The following MAD1L1 variants were observed in gnomAD, a reference collection of about 807,000 sequenced individuals.
The protein encoded by MAD1L1 is mitotic spindle assembly checkpoint protein MAD1.
MAD1L1 carries 95 observed loss-of-function variants against 96.9 expected under a neutral mutation model. That is an observed-to-expected ratio of 0.98 (90% CI 0.83 to 1.16). The LOEUF (loss-of-function observed/expected upper bound fraction) is 1.16, where lower values mean the gene tolerates loss of function less well. Among genes scored for constraint, MAD1L1 ranks in the 50% most tolerant of loss-of-function variants. MAD1L1 has a pLI of 0.00. For synonymous variants in MAD1L1, 473 were observed against 396.6 expected, an observed-to-expected ratio of 1.19 and a Z score of -2.29; for missense variants, 1,007 against 954.4, an observed-to-expected ratio of 1.06 and a Z score of -0.73.
intron 16 of MAD1L1, among the ~76,000 whole-genome samples, chr7:1,957,154 A>G (rs1245232626): frequency 6.6e-6 from 1 of 152,212 alleles, no homozygotes; most frequent in Non-Finnish European, 1.5e-5. Flanking sequence ...CACTCCTCCC[A>G]TCGTCAGAAA....
At position 2,057,111 on chromosome 7, in the gene MAD1L1, G is replaced by A. The variant is rs764385520; in HGVS notation, c.1218+12083C>T. On this transcript the variant is annotated intron_variant, in intron 12 of 18. Transcript: ENST00000265854. ...ACAGCAGCCATCACCGCCTCAACGC[G>A]ACTGACACCTGCCCCAGCCCCACCT... 5.9e-5 allele frequency among the ~76,000 whole-genome samples: 9 copies of A among 152,212 alleles called. No individual in the cohort carries two copies. The South Asian group carries it at 1.2e-3, about 21-fold the overall frequency.
In MAD1L1 at chr7:2,149,238, C is replaced by T. The variant is rs778630947; in HGVS notation, c.987G>A (p.Arg329=). Reference sequence around the variant, plus strand: ...CGAATCTGGAAAGGTCTTCTGGAGTCCTGCAGGATAAACAAGGCACACTCA... The same window carrying T: ...CGAATCTGGAAAGGTCTTCTGGAGTTCTGCAGGATAAACAAGGCACACTCA... ...RLDQTMGLSI[R]TPEDLSRFVV... is the part of the protein sequence containing the mutation. The change falls in exon 11 of 19, where the codon AGG becomes AGA. Residue 329 remains arginine (R), a splice_region_variant and synonymous_variant. Coordinates refer to ENST00000265854, the MANE Select transcript of MAD1L1 (RefSeq NM_001013836.2). The T allele has an allele frequency of 5.0e-6, 8 of 1,613,122 alleles. No individual in the cohort carries two copies. Among genetic ancestry groups the T allele is most frequent in the Non-Finnish European group, 6.8e-6 (8 of 1,179,254 alleles).
chr7:1,834,039 A>G (rs561035079), intron 18 of MAD1L1, among the ~76,000 whole-genome samples: 2 of 152,338 alleles, frequency 1.3e-5, no homozygotes, highest in East Asian at 3.9e-4. Flanking sequence ...GCATCTGGAG[A>G]TTTTCAAAAA....
chr7:1,841,846 A>G (rs958200539), intron 18 of MAD1L1, among the ~76,000 whole-genome samples: 1 of 152,174 alleles, frequency 6.6e-6, no homozygotes, highest in Non-Finnish European at 1.5e-5. Context: ...CTGCCCTCGC[A>G]TGAGTCTCCC....
At chr7:1,848,753 G>C (rs1783782022) in intron 18 of MAD1L1, 1 of 154,444 alleles carries the variant, frequency 6.5e-6, no homozygotes, top group African/African-American at 2.4e-5. Context: ...TTAATTCTGA[G>C]TTGCTGAGGA....
intron 12 of MAD1L1, among the ~76,000 whole-genome samples, chr7:2,060,614 TA>T (rs1292890787): frequency 6.6e-6 from 1 of 151,806 alleles, no homozygotes; most frequent in Non-Finnish European, 1.5e-5. Context: ...CATGGAATCG[TA>T]AACAAATAAA....
At position 2,082,832 on chromosome 7, in the gene MAD1L1, C is replaced by T. The variant is rs564769300; in HGVS notation, c.1074-13494G>A. Among the ~76,000 whole-genome samples the T allele has an allele frequency of 1.1e-3, 170 of 152,344 alleles. 1 individual carries two copies. Among genetic ancestry groups the T allele is most frequent in the African/African-American group, 3.9e-3 (163 of 41,574 alleles). ...AGCCTCCGCCCACGCCTGTGCGCCG[C>T]ACGACCACTCCAGCTGCTTCAGCGC... On this transcript the variant is annotated intron_variant, in intron 11 of 18. Coordinates refer to ENST00000265854, the MANE Select transcript of MAD1L1 (RefSeq NM_001013836.2).
Position 2,057,180 on chromosome 7 carries a change from C to T in MAD1L1, c.1218+12014G>A, listed in dbSNP as rs1280653787. Among the ~76,000 whole-genome samples the T allele has an allele frequency of 2.0e-5, 3 of 152,242 alleles. No homozygotes were observed. The East Asian group carries it at 5.8e-4, about 29-fold the overall frequency. ...TCCGAGTCTGCTGTGCAGCTCCCTG[C>T]TGTTTTCCACAGCACCTAAATGTGC... On this transcript the variant is annotated intron_variant, in intron 12 of 18. Coordinates refer to ENST00000265854, the MANE Select transcript of MAD1L1 (RefSeq NM_001013836.2).
chr7:2,007,039 G>A (rs1206584371), intron 13 of MAD1L1, among the ~76,000 whole-genome samples: 1 of 152,046 alleles, frequency 6.6e-6, no homozygotes, highest in Non-Finnish European at 1.5e-5. Flanking sequence ...ACAGAGCCCA[G>A]CAGGCCTGCT....
intron 18 of MAD1L1, among the ~76,000 whole-genome samples, chr7:1,843,542 G>A (rs2128634276): frequency 6.6e-6 from 1 of 152,324 alleles, no homozygotes; most frequent in South Asian, 2.1e-4. Flanking sequence ...AGTGCAATTG[G>A]TTAGTCACGG....
rs989007564 is a variant in MAD1L1 at position 1,858,994 on chromosome 7, G to A, written c.1998+39206C>T. On this transcript the variant is annotated intron_variant, in intron 18 of 18. Coordinates refer to ENST00000265854, the MANE Select transcript of MAD1L1 (RefSeq NM_001013836.2). ...CACCCAGACACAGCTCAGATCTGGGGGGCGTCCCCCGACTCGGCCTGCATG... is the reference window on the plus strand; with the variant it reads ...CACCCAGACACAGCTCAGATCTGGGAGGCGTCCCCCGACTCGGCCTGCATG... 5.9e-5 allele frequency among the ~76,000 whole-genome samples: 9 copies of A among 152,324 alleles called. 1 individual carries two copies. Among genetic ancestry groups the A allele is most frequent in the Admixed American group, 1.3e-4 (2 of 15,310 alleles).
At chr7:1,835,941 T>C (rs551967788) in intron 18 of MAD1L1, among the ~76,000 whole-genome samples, 3 of 152,366 alleles carry the variant, frequency 2.0e-5, no homozygotes, top group Admixed American at 2.0e-4. Flanking sequence ...TAAGCTGTCA[T>C]GGCACTGGTG....
Position 2,163,616 on chromosome 7 carries a change from G to C in MAD1L1, c.987-14378C>G, listed in dbSNP as rs139674488. ...TCTCCAACTCCTGACCTCATGATCC[G>C]CCCGCCTTGGCCTCCCAAAGTGCTG... On this transcript the variant is annotated intron_variant, in intron 10 of 18. Transcript: ENST00000265854. Among the ~76,000 whole-genome samples, 1,392 of 152,142 alleles carry C rather than the reference G, an allele frequency of 9.1e-3. 20 individuals carry two copies. The highest frequency in any genetic ancestry group is 0.031 in the African/African-American group (1,303 of 41,488).
rs80155880 is a variant in MAD1L1 at position 2,140,424 on chromosome 7, C to T, written c.1073+8728G>A. Among the ~76,000 whole-genome samples the T allele has an allele frequency of 8.9e-3, 1,360 of 152,326 alleles. 21 individuals are homozygous for T. The highest frequency in any genetic ancestry group is 0.031 in the African/African-American group (1,282 of 41,578). On this transcript the variant is annotated intron_variant, in intron 11 of 18. Transcript: ENST00000265854. The stretch of plus-strand genomic sequence containing the variant: ...AGTGCACCAGGGCCGAATGGCCCTC[C>T]GAGGCCCTAGCTGCAGCCGCAGCCG...
At chr7:1,875,200 C>A (rs1185193513) in intron 18 of MAD1L1, among the ~76,000 whole-genome samples, 1 of 152,240 alleles carries the variant, frequency 6.6e-6, no homozygotes, top group Non-Finnish European at 1.5e-5. Context: ...CTCAGCTGTT[C>A]CCAGGGGCCC....
chr7:2,134,586 T>C (rs990852483), intron 11 of MAD1L1, among the ~76,000 whole-genome samples: 2 of 152,240 alleles, frequency 1.3e-5, no homozygotes, highest in African/African-American at 4.8e-5. Flanking sequence ...TACTTGGTTT[T>C]AAGACGGAAA....
intron 12 of MAD1L1, among the ~76,000 whole-genome samples, chr7:2,034,655 C>T (rs1533827): frequency 0.17 from 25,433 of 152,280 alleles, 2,702 homozygotes; most frequent in Middle Eastern, 0.3. Flanking sequence ...GCTGCCAGCT[C>T]TGCCACAGCA....
At chr7:1,866,516 C>T (rs1357237959) in intron 18 of MAD1L1, among the ~76,000 whole-genome samples, 3 of 152,246 alleles carry the variant, frequency 2.0e-5, no homozygotes, top group Middle Eastern at 3.4e-3. Flanking sequence ...GGCAGAGACA[C>T]GAGGGTGCAC....
At chr7:1,847,380 G>A (rs934504734) in intron 18 of MAD1L1, 14 of 470,928 alleles carry the variant, frequency 3.0e-5, no homozygotes, top group Non-Finnish European at 5.7e-5. Flanking sequence ...GGTGTGCAGC[G>A]TTACGTGACT....
Sources: gnomAD v4.1 joint callset for allele counts (sites outside exome capture counted in the v4.1 genomes callset) on GRCh38, gnomAD v4.1.1 for gene constraint, MANE v1.5 for transcripts, NCBI Gene and HGNC (gene_info 2026-07-23, HGNC 2026-07-21) for gene names.